Variants in MED27 observed in about 807,000 individuals in gnomAD.
MED27 encodes the protein mediator complex subunit 27.
In MED27, 30 loss-of-function variants were observed where a neutral mutation model predicts 38.2. The ratio of observed to expected loss-of-function variants is 0.79; its 90% CI spans 0.59 to 1.07. The LOEUF (loss-of-function observed/expected upper bound fraction) is 1.07, where lower values mean the gene tolerates loss of function less well. MED27 is among the 50% of genes least tolerant of loss of function. The probability of loss-of-function intolerance (pLI) is 0.00; values close to 1 mark genes in which losing one functional copy is unlikely to be tolerated. For missense variants in MED27, 289 were observed against 397.5 expected, an observed-to-expected ratio of 0.73 and a Z score of 2.32; for synonymous variants, 122 against 153.5, an observed-to-expected ratio of 0.79 and a Z score of 1.52.
chr9:131,863,954 CCT>C (rs1255839767), intron 6 of MED27, among the ~76,000 whole-genome samples: 2 of 152,176 alleles, frequency 1.3e-5, no homozygotes. Flanking sequence ...AGCACCACCC[CCT>C]GACCTGGATC....
chr9:131,941,588 ATGAG>A (rs1222291160), intron 3 of MED27, among the ~76,000 whole-genome samples: 1 of 152,108 alleles, frequency 6.6e-6, no homozygotes, highest in Non-Finnish European at 1.5e-5. Flanking sequence ...TGCAGCAGAG[ATGAG>A]TGAGAAGGCG....
At chr9:132,070,721 T>C (rs1457876993) in intron 2 of MED27, among the ~76,000 whole-genome samples, 3 of 152,040 alleles carry the variant, frequency 2.0e-5, no homozygotes, top group Non-Finnish European at 2.9e-5. Context: ...CCTTCTCACC[T>C]CCTCTCCATG....
intron 3 of MED27, among the ~76,000 whole-genome samples, chr9:132,000,222 T>C (rs1018836534): frequency 6.6e-6 from 1 of 152,190 alleles, no homozygotes; most frequent in Non-Finnish European, 1.5e-5. Flanking sequence ...TCACCAAAGA[T>C]ATACGGATGG....
chr9:132,043,618 C>T (rs9411432), intron 2 of MED27, among the ~76,000 whole-genome samples: 20,537 of 151,956 alleles, frequency 0.14, 1,522 homozygotes, highest in East Asian at 0.26. Flanking sequence ...AAAATATATG[C>T]TTCAGAAAAG....
chr9:131,963,293 G>T lies in MED27; in HGVS notation c.480-23819C>A, dbSNP rs552130930. Among the ~76,000 whole-genome samples the T allele has an allele frequency of 2.0e-5, 3 of 152,218 alleles. No homozygotes were observed. The South Asian group carries it at 6.2e-4, about 32-fold the overall frequency. ...ATTAAGTTTTAGCGTAGAGAACAAAGACCCCCTGAGGTTAGCATTTCTGAA... is the reference window on the plus strand; with the variant it reads ...ATTAAGTTTTAGCGTAGAGAACAAATACCCCCTGAGGTTAGCATTTCTGAA... On this transcript the variant is annotated intron_variant, in intron 3 of 7. Coordinates refer to ENST00000292035, the MANE Select transcript of MED27 (RefSeq NM_004269.4).
intron 2 of MED27, among the ~76,000 whole-genome samples, chr9:132,071,802 C>T (rs1245262023): frequency 2.0e-5 from 3 of 149,800 alleles, no homozygotes; most frequent in Non-Finnish European, 3.0e-5. Context: ...CACATGCATA[C>T]GAGTAATGCA....
intron 3 of MED27, among the ~76,000 whole-genome samples, chr9:131,974,404 C>G (rs1415584196): frequency 6.6e-6 from 1 of 152,190 alleles, no homozygotes. Flanking sequence ...GACCAGCAAC[C>G]TCATTACCAT....
At chr9:131,863,536 C>T (rs1838687226) in intron 6 of MED27, among the ~76,000 whole-genome samples, 2 of 152,372 alleles carry the variant, frequency 1.3e-5, no homozygotes, top group South Asian at 2.1e-4. Context: ...CCGGTACGCA[C>T]ACTTCCTCTT....
intron 2 of MED27, among the ~76,000 whole-genome samples, chr9:132,021,630 G>A (rs1208899741): frequency 6.6e-6 from 1 of 152,212 alleles, no homozygotes; most frequent in African/African-American, 2.4e-5. Flanking sequence ...AGATCATGTT[G>A]GAGAGTCACC....
At chr9:131,964,780 A>G (rs1831304720) in intron 3 of MED27, among the ~76,000 whole-genome samples, 1 of 152,234 alleles carries the variant, frequency 6.6e-6, no homozygotes, top group African/African-American at 2.4e-5. Flanking sequence ...TGCTTTGATG[A>G]AGTCCTTTCC....
chr9:131,941,274 G>C (rs557908905), intron 3 of MED27, among the ~76,000 whole-genome samples: 72 of 152,254 alleles, frequency 4.7e-4, no homozygotes, highest in African/African-American at 1.7e-3. Context: ...CGTTAAGTCA[G>C]GGACATATAA....
intron 2 of MED27, among the ~76,000 whole-genome samples, chr9:132,036,478 A>ATG (rs1833079936): frequency 6.6e-6 from 1 of 152,140 alleles, no homozygotes; most frequent in Non-Finnish European, 1.5e-5. Flanking sequence ...CTGGGATTAC[A>ATG]TGTGTGAGCC....
In MED27 at chr9:131,872,108, CGCCTTCCA is replaced by C. The variant is rs1838846420; in HGVS notation, c.724-8976_724-8969del. 6.6e-6 allele frequency among the ~76,000 whole-genome samples: 1 copy of C among 152,214 alleles called. No homozygotes were observed. Among genetic ancestry groups the C allele is most frequent in the Non-Finnish European group, 1.5e-5 (1 of 68,042 alleles). The stretch of plus-strand genomic sequence containing the variant: ...ACGCTGGAGGCTGACTGCTGGGAAC[CGCCTTCCA>C]GCTCCTGGCTGGTGGACCAGGCTGG... On this transcript the variant is annotated intron_variant, in intron 6 of 7. Transcript: ENST00000292035. The surrounding 1 kb of genome is among the most constrained non-coding windows in gnomAD (Gnocchi z 5.6).
chr9:131,912,661 C>A (rs11243562), intron 4 of MED27, among the ~76,000 whole-genome samples: 2 of 151,986 alleles, frequency 1.3e-5, no homozygotes, highest in African/African-American at 2.4e-5. Context: ...AACTCTAAGA[C>A]GTTTAATCGC....
intron 2 of MED27, among the ~76,000 whole-genome samples, chr9:132,076,080 C>T (rs1261851656): frequency 2.6e-5 from 4 of 152,084 alleles, no homozygotes; most frequent in Non-Finnish European, 5.9e-5. Context: ...TATGTATATC[C>T]ACAGCTGCTG....
At chr9:131,962,375 T>C (rs1831235505) in intron 3 of MED27, among the ~76,000 whole-genome samples, 1 of 152,194 alleles carries the variant, frequency 6.6e-6, no homozygotes, top group Non-Finnish European at 1.5e-5. Flanking sequence ...TAGCTGGCAT[T>C]ACAGGCATGT....
intron 2 of MED27, among the ~76,000 whole-genome samples, chr9:132,061,439 A>C (rs1324736204): frequency 6.6e-6 from 1 of 152,238 alleles, no homozygotes; most frequent in Non-Finnish European, 1.5e-5. Flanking sequence ...AGTAGCTGGT[A>C]AGTGAAGTTG....
At chr9:132,066,227 G>A (rs984098061) in intron 2 of MED27, among the ~76,000 whole-genome samples, 1 of 152,242 alleles carries the variant, frequency 6.6e-6, no homozygotes, top group African/African-American at 2.4e-5. Context: ...GCTCTGCTTG[G>A]TCTTCATCGA....
rs372566770 is a variant in MED27, at chr9:131,991,846, C to G, written c.479+22491G>C. On this transcript the variant is annotated intron_variant, in intron 3 of 7. Coordinates refer to ENST00000292035, the MANE Select transcript of MED27 (RefSeq NM_004269.4). The stretch of plus-strand genomic sequence containing the variant: ...AAGCGATTCTCCTGCCTCAGCCTCC[C>G]GAGTAGCTGGGATTACAGGCGAGCG... 6.4e-4 allele frequency among the ~76,000 whole-genome samples: 98 copies of G among 152,262 alleles called. 1 individual carries two copies. Among genetic ancestry groups the G allele is most frequent in the African/African-American group, 2.1e-3 (88 of 41,554 alleles).
Sources: gnomAD v4.1 joint callset for allele counts (sites outside exome capture counted in the v4.1 genomes callset) on GRCh38, gnomAD v4.1.1 for gene constraint, Gnocchi (gnomAD v3.1) non-coding constraint, MANE v1.5 for transcripts, NCBI Gene and HGNC (gene_info 2026-07-23, HGNC 2026-07-21) for gene names.